Variants in ZNF765 observed in about 807,000 individuals in gnomAD.
The protein encoded by ZNF765 is zinc finger protein 765.
In ZNF765, 37 loss-of-function variants were observed where a neutral mutation model predicts 44.7. The ratio of observed to expected loss-of-function variants is 0.83; its 90% CI spans 0.64 to 1.09. The LOEUF is 1.09. Among genes scored for constraint, ZNF765 ranks in the 50% least tolerant of loss-of-function variants. The pLI, the probability that ZNF765 is intolerant of heterozygous loss-of-function variation, is 0.00. For synonymous variants in ZNF765, 201 were observed against 213.7 expected (o/e 0.94, Z 0.52); for missense variants, 594 against 626.1 (o/e 0.95, Z 0.55).
At chr19:53,402,462 A>C (rs978599923) in intron 3 of ZNF765, among the ~76,000 whole-genome samples, 1 of 151,668 alleles carries the variant, frequency 6.6e-6, no homozygotes, top group Non-Finnish European at 1.5e-5. Flanking sequence ...GAGTTTCACC[A>C]TGTTAGCCAG....
chr19:53,404,797 G>T (rs2085759603), intron 3 of ZNF765, among the ~76,000 whole-genome samples: 3 of 152,136 alleles, frequency 2.0e-5, no homozygotes, highest in Non-Finnish European at 2.9e-5. Context: ...TGCTATAGAT[G>T]GCTTCAGGTA....
chr19:53,418,480 C>G (rs1008136325), intron 3 of ZNF765, among the ~76,000 whole-genome samples: 2 of 152,192 alleles, frequency 1.3e-5, no homozygotes, highest in African/African-American at 2.4e-5. Flanking sequence ...GCTGCCCTCT[C>G]ATATAATACT....
At chr19:53,396,127 AGAG>A (rs2085666671) in intron 1 of ZNF765, among the ~76,000 whole-genome samples, 1 of 152,070 alleles carries the variant, frequency 6.6e-6, no homozygotes, top group Non-Finnish European at 1.5e-5. Flanking sequence ...AGAGTGAGGG[AGAG>A]GAGGAGGGAT....
intron 1 of ZNF765, among the ~76,000 whole-genome samples, chr19:53,396,109 G>A (rs2085666429): frequency 6.6e-6 from 1 of 152,128 alleles, no homozygotes; most frequent in African/African-American, 2.4e-5. Flanking sequence ...CAAAGAGGGA[G>A]GCTCATCAGA....
chr19:53,402,394 C>T (rs1308373098), intron 3 of ZNF765, among the ~76,000 whole-genome samples: 1 of 151,672 alleles, frequency 6.6e-6, no homozygotes, highest in Non-Finnish European at 1.5e-5. Flanking sequence ...GTAGCTGGGA[C>T]TACAGGCACC....
In ZNF765 at chr19:53,409,458, T is replaced by TAATG; in HGVS notation, c.*333_*336dup. 2 of 875,934 alleles carry TAATG rather than the reference T, an allele frequency of 2.3e-6. No individual in the cohort carries two copies. The highest frequency in any genetic ancestry group is 2.6e-5 in the South Asian group (2 of 76,142). The allele number at this position is 875,934 out of a possible 1,614,324, so 54.3% of individuals were successfully genotyped here. ...ACACTGGTGAGAAACCTTACAGGTG[T>TAATG]AATGAGTGTGGCAAGACCTTCAGCC... On this transcript the variant is annotated 3_prime_UTR_variant, in exon 4 of 4. Coordinates refer to ENST00000396408, the MANE Select transcript of ZNF765 (RefSeq NM_001040185.3).
intron 1 of ZNF765, among the ~76,000 whole-genome samples, chr19:53,396,544 T>C (rs12610483): frequency 0.14 from 21,735 of 151,148 alleles, 1,753 homozygotes; most frequent in East Asian, 0.28. Flanking sequence ...GGTGGTCTTG[T>C]AGCTGCATTG....
chr19:53,400,924 G>A (rs10406245), intron 2 of ZNF765, among the ~76,000 whole-genome samples: 1 of 151,676 alleles, frequency 6.6e-6, no homozygotes, highest in Non-Finnish European at 1.5e-5. Flanking sequence ...CCTCCACCCT[G>A]AGGCTCAAGC....
chr19:53,403,535 G>A (rs73059134), intron 3 of ZNF765, among the ~76,000 whole-genome samples: 39,412 of 152,072 alleles, frequency 0.26, 6,523 homozygotes, highest in South Asian at 0.37. Flanking sequence ...CACCGCAGCC[G>A]GCTCCGCCTT....
chr19:53,407,129 G>A (rs1347471313), intron 3 of ZNF765, among the ~76,000 whole-genome samples: 3 of 151,972 alleles, frequency 2.0e-5, no homozygotes, highest in Non-Finnish European at 2.9e-5. Flanking sequence ...CTTGTGCCTC[G>A]TGAGTCCCAT....
chr19:53,395,543 G>C (rs1370390782), intron 1 of ZNF765, among the ~76,000 whole-genome samples: 3 of 152,252 alleles, frequency 2.0e-5, no homozygotes, highest in African/African-American at 4.8e-5. Context: ...GCCCTCGTTG[G>C]CAGCTGGACG....
At chr19:53,414,797 G>GT (rs2085865004), downstream of ZNF765, among the ~76,000 whole-genome samples, 1 of 149,984 alleles carries the variant, frequency 6.7e-6, no homozygotes, top group Non-Finnish European at 1.5e-5. Context: ...GGTCACCACA[G>GT]GTGCTCAATC....
At chr19:53,402,606 G>C (rs969809181) in intron 3 of ZNF765, among the ~76,000 whole-genome samples, 1 of 152,060 alleles carries the variant, frequency 6.6e-6, no homozygotes, top group African/African-American at 2.4e-5. Context: ...CTGTCAGCCC[G>C]GGTGGAGTAC....
downstream of ZNF765, among the ~76,000 whole-genome samples, chr19:53,414,491 C>CACACACACACACACA (rs1568786159): frequency 1.3e-4 from 2 of 15,578 alleles, no homozygotes; most frequent in African/African-American, 2.9e-4. Context: ...ACACACACAC[C>CACACACACACACACA]CCCCCCCCCC....
downstream of ZNF765, among the ~76,000 whole-genome samples, chr19:53,414,170 G>T (rs1197153385): frequency 7.1e-6 from 1 of 141,624 alleles, no homozygotes; most frequent in Non-Finnish European, 1.5e-5. Flanking sequence ...GAACCCAGGA[G>T]GCGGAAGTTG....
In ZNF765 at chr19:53,410,283, C is replaced by T; in HGVS notation, c.*1156C>T. 2.8e-6 allele frequency: 1 copy of T among 359,556 alleles called. No individual in the cohort carries two copies. Among genetic ancestry groups the T allele is most frequent in the Non-Finnish European group, 5.6e-6 (1 of 177,374 alleles). 22.3% of individuals were successfully genotyped at this position (359,556 alleles called of 1,614,324 possible). A position where few individuals can be genotyped will look rare whatever the true frequency, so the allele number is the denominator to read the frequency against. On this transcript the variant is annotated 3_prime_UTR_variant, in exon 4 of 4. Transcript: ENST00000396408. ...AATGTGAAGCATGTGACAAAGTTTACAGTCGCAAATCAAGCCTCCAAAGAC... is the reference window on the plus strand; with the variant it reads ...AATGTGAAGCATGTGACAAAGTTTATAGTCGCAAATCAAGCCTCCAAAGAC...
chr19:53,403,813 G>T (rs2085750667), intron 3 of ZNF765, among the ~76,000 whole-genome samples: 1 of 148,656 alleles, frequency 6.7e-6, no homozygotes, highest in Non-Finnish European at 1.5e-5. Context: ...CTGCCCTCCA[G>T]CCTGGGTGAC....
chr19:53,407,936 T>A lies in ZNF765; in HGVS notation c.381T>A (p.Asp127Glu). ...TGACAGGTAGTACAGAGCGATATGA[T>A]CAAAATTATGCTGGAAACAAGCCTG... ...KKLTGSTERY[D>E]QNYAGNKPVK... The change falls in exon 4 of 4, where the codon GAT (aspartate) becomes GAA (glutamate). Residue 127 changes from aspartate (D) to glutamate (E), a missense_variant. Physicochemically the swap from Asp to Glu is conservative, Grantham distance 45 (BLOSUM62 2). Coordinates refer to ENST00000396408, the MANE Select transcript of ZNF765 (RefSeq NM_001040185.3). The A allele has an allele frequency of 6.2e-7, 1 of 1,614,146 alleles. No individual in the cohort carries two copies. Among genetic ancestry groups the A allele is most frequent in the Non-Finnish European group, 8.5e-7 (1 of 1,180,028 alleles).
downstream of ZNF765, chr19:53,412,015 A>G (rs186473929): frequency 1.2e-5 from 2 of 163,192 alleles, no homozygotes; most frequent in Admixed American, 6.5e-5. Context: ...TCTGATTTCG[A>G]TGAGTTTGAT....
Sources: gnomAD v4.1 joint callset for allele counts (sites outside exome capture counted in the v4.1 genomes callset) on GRCh38, gnomAD v4.1.1 for gene constraint, MANE v1.5 for transcripts, NCBI Gene and HGNC (gene_info 2026-07-23, HGNC 2026-07-21) for gene names.